RNF121: variants seen among roughly 807,000 people sequenced by gnomAD.
RNF121 encodes ring finger protein 121.
In RNF121, 21 loss-of-function variants were observed where a neutral mutation model predicts 46.5. The observed-to-expected ratio is 0.45, with a 90% CI of 0.32 to 0.65. The LOEUF (loss-of-function observed/expected upper bound fraction) is 0.65. Ranked by LOEUF, RNF121 falls within the 30% of genes least tolerant of loss-of-function variation. The pLI, the probability that RNF121 is intolerant of heterozygous loss-of-function variation, is 0.04. For missense variants in RNF121, 346 were observed against 416.0 expected (o/e 0.83, Z 1.46); for synonymous variants, 139 against 144.7 (o/e 0.96, Z 0.28).
intron 6 of RNF121, 88 bp downstream of exon 6, chr11:71,990,805 A>C (rs1954851015): frequency 1.3e-6 from 2 of 1,502,078 alleles, no homozygotes; most frequent in Non-Finnish European, 9.1e-7. Flanking sequence ...AGAGAAAGGC[A>C]CTAGGGTGAG....
rs1436095270 is a variant in RNF121, at chr11:71,995,567, G to T, written c.863+16G>T. 6.4e-7 allele frequency: 1 copy of T among 1,560,526 alleles called. No homozygotes were observed. The highest frequency in any genetic ancestry group is 8.7e-7 in the Non-Finnish European group (1 of 1,148,496). Reference sequence around the variant, plus strand: ...TCAGCAATCCGTATCCTTTATTGGGGTCGTTGTTGGGAGTGGGCTGTGGGA... The same window carrying T: ...TCAGCAATCCGTATCCTTTATTGGGTTCGTTGTTGGGAGTGGGCTGTGGGA... On this transcript the variant is annotated intron_variant, in intron 8 of 8. Transcript: ENST00000361756.
chr11:71,960,835 G>C lies in RNF121; in HGVS notation c.187G>C (p.Val63Leu). Reference protein sequence around the residue: ...EMVLILIATLVVAQLLLVQWK... With the variant: ...EMVLILIATLLVAQLLLVQWK... The stretch of plus-strand genomic sequence containing the variant: ...GGTCCTCATCCTCATCGCAACCTTG[G>C]TGGTGGCCCAGCTGCTCCTGGTGCA... Residue 63 changes from valine to leucine, a missense_variant, in exon 3 of 9, where the codon GTG (valine) becomes CTG (leucine). Val to Leu is a conservative substitution (Grantham distance 32, BLOSUM62 1). This residue lies in a region of RNF121 where 286 missense variants were observed against 383.8 expected (regional missense o/e 0.75). Transcript: ENST00000361756. 2 of 1,614,148 alleles carry C rather than the reference G, an allele frequency of 1.2e-6. No homozygotes were observed. Among genetic ancestry groups the C allele is most frequent in the Non-Finnish European group, 8.5e-7 (1 of 1,180,026 alleles).
intron 1 of RNF121, among the ~76,000 whole-genome samples, chr11:71,948,903 A>C (rs966370471): frequency 6.6e-6 from 1 of 150,514 alleles, no homozygotes; most frequent in Non-Finnish European, 1.5e-5. Context: ...TCTGAACCCC[A>C]CCAGATAGAG....
rs1955015034 is a variant in RNF121 at position 71,997,568 on chromosome 11, A to C, written c.*1253A>C. 6.6e-6 allele frequency: 1 copy of C among 152,136 alleles called. No individual in the cohort carries two copies. Among genetic ancestry groups the C allele is most frequent in the Admixed American group, 6.5e-5 (1 of 15,286 alleles). The allele number at this position is 152,136 out of a possible 1,614,324, so 9.4% of individuals were successfully genotyped here. ...GGATGTTGTCACTCCCGTCTGAATA[A>C]AGCTCCATGAGCTGGGTTGGAAAGC... On this transcript the variant is annotated 3_prime_UTR_variant, in exon 9 of 9. Transcript: ENST00000361756.
At chr11:71,984,740 G>A (rs1423461234) in intron 4 of RNF121, among the ~76,000 whole-genome samples, 3 of 133,140 alleles carry the variant, frequency 2.3e-5, no homozygotes, top group African/African-American at 5.9e-5. Flanking sequence ...CGCCACACCC[G>A]GCTAATTTTT....
Position 71,996,489 on chromosome 11 carries a change from G to T in RNF121, c.*174G>T. ...GGATATGATGGAGAGCCAGCCAGTG[G>T]GGCTGTCAGCAGTGGGGGGCTTTTT... is the stretch of plus-strand genomic sequence containing the variant. On this transcript the variant is annotated 3_prime_UTR_variant, in exon 9 of 9. Transcript: ENST00000361756. 1 of 658,664 alleles carries T rather than the reference G, an allele frequency of 1.5e-6. No homozygotes were observed. Among genetic ancestry groups the T allele is most frequent in the South Asian group, 2.2e-5 (1 of 44,792 alleles). The allele number at this position is 658,664 out of a possible 1,614,324, so 40.8% of individuals were successfully genotyped here.
At chr11:71,969,316 T>C (rs1954369360) in intron 3 of RNF121, among the ~76,000 whole-genome samples, 1 of 152,108 alleles carries the variant, frequency 6.6e-6, no homozygotes, top group Admixed American at 6.6e-5. Context: ...TATAAAATAA[T>C]GCATATGACA....
intron 1 of RNF121, among the ~76,000 whole-genome samples, chr11:71,947,549 C>T (rs930314708): frequency 3.3e-5 from 5 of 151,030 alleles, no homozygotes; most frequent in Admixed American, 1.3e-4. Flanking sequence ...AGAGAAAAGA[C>T]GGCAGCAGCC....
At chr11:71,968,717 C>T (rs1313714706) in intron 3 of RNF121, among the ~76,000 whole-genome samples, 4 of 152,108 alleles carry the variant, frequency 2.6e-5, no homozygotes, top group African/African-American at 2.4e-5. Flanking sequence ...TCTAGTCCCA[C>T]GCTGGGGCTG....
At chr11:71,966,356 G>T (rs1954276966) in intron 3 of RNF121, among the ~76,000 whole-genome samples, 1 of 152,152 alleles carries the variant, frequency 6.6e-6, no homozygotes, top group East Asian at 1.9e-4. Context: ...ACATACCATA[G>T]TTTTAAAAGT....
intron 8 of RNF121, among the ~76,000 whole-genome samples, chr11:71,995,969 T>C (rs1025126177): frequency 6.6e-6 from 1 of 152,128 alleles, no homozygotes; most frequent in Non-Finnish European, 1.5e-5. Context: ...TGCATTCAGC[T>C]CTTTACCCCA....
chr11:71,936,917 G>C (rs1422742740), intron 1 of RNF121, among the ~76,000 whole-genome samples: 8 of 152,154 alleles, frequency 5.3e-5, no homozygotes, highest in African/African-American at 1.7e-4. Flanking sequence ...TATATTTATT[G>C]AGTAAATGAG....
chr11:71,958,498 T>G (rs759600501), intron 2 of RNF121, among the ~76,000 whole-genome samples: 6 of 152,084 alleles, frequency 3.9e-5, no homozygotes, highest in African/African-American at 1.4e-4. Flanking sequence ...TCTTTAATAG[T>G]CAAGGTATAT....
intron 1 of RNF121, among the ~76,000 whole-genome samples, chr11:71,956,761 C>T (rs1014954419): frequency 2.6e-5 from 4 of 152,088 alleles, no homozygotes; most frequent in Admixed American, 2.0e-4. Context: ...CATTTTAGTC[C>T]CTTTGCCTGG....
chr11:71,935,795 TAA>T lies in RNF121; in HGVS notation c.63+6673_63+6674del, dbSNP rs1444740830. 2.6e-5 allele frequency among the ~76,000 whole-genome samples: 4 copies of T among 151,888 alleles called. No individual in the cohort carries two copies. In the East Asian group the frequency reaches 5.8e-4, roughly 22 times the overall value. The stretch of plus-strand genomic sequence containing the variant: ...CTTATAACTCTCATCAGGTACTGAG[TAA>T]ATACTAGTGAATGACTGAATGAATG... On this transcript the variant is annotated intron_variant, in intron 1 of 8. Coordinates refer to ENST00000361756, the MANE Select transcript of RNF121 (RefSeq NM_018320.5).
Position 71,976,590 on chromosome 11 carries a change from C to T in RNF121, c.244-6171C>T, listed in dbSNP as rs537527389. Among the ~76,000 whole-genome samples, 19 of 152,088 alleles carry T rather than the reference C, an allele frequency of 1.2e-4. No homozygotes were observed. The South Asian group carries it at 4.0e-3, about 32-fold the overall frequency. On this transcript the variant is annotated intron_variant, in intron 3 of 8. Transcript: ENST00000361756. Reference sequence around the variant, plus strand: ...GGCCAGTATGGTCTCGATCTCTTGACCTCGTGATCTGCCTGCCTCGGCCTC... The same window carrying T: ...GGCCAGTATGGTCTCGATCTCTTGATCTCGTGATCTGCCTGCCTCGGCCTC...
chr11:71,975,543 A>G (rs112924905), intron 3 of RNF121, among the ~76,000 whole-genome samples: 4 of 152,106 alleles, frequency 2.6e-5, no homozygotes, highest in African/African-American at 9.6e-5. Flanking sequence ...TCTCCTCTGT[A>G]TTTTCTTGGT....
In RNF121 at chr11:71,929,416, A is replaced by G. The variant is rs534739390; in HGVS notation, c.63+292A>G. Among the ~76,000 whole-genome samples the G allele has an allele frequency of 9.9e-5, 15 of 152,104 alleles. No individual in the cohort carries two copies. In the East Asian group the frequency reaches 2.9e-3, roughly 30 times the overall value. On this transcript the variant is annotated intron_variant, in intron 1 of 8. Coordinates refer to ENST00000361756, the MANE Select transcript of RNF121 (RefSeq NM_018320.5). ...TTTGTGATTACTAGCTGGGTGTCTT[A>G]GGGTAGGACCGAAGGGCTAAGAGGT...
In RNF121 at chr11:71,972,797, T is replaced by C. The variant is rs1196843750; in HGVS notation, c.244-9964T>C. Among the ~76,000 whole-genome samples, 4 of 152,114 alleles carry C rather than the reference T, an allele frequency of 2.6e-5. No homozygotes were observed. The East Asian group carries it at 7.7e-4, about 29-fold the overall frequency. On this transcript the variant is annotated intron_variant, in intron 3 of 8. Transcript: ENST00000361756. ...AGAGCAACATGGATATTGCAAGCTATGAGACTGATGATGAGCAGTATGCCA... is the reference window on the plus strand; with the variant it reads ...AGAGCAACATGGATATTGCAAGCTACGAGACTGATGATGAGCAGTATGCCA...
Sources: allele counts gnomAD v4.1 joint callset (sites outside exome capture counted in the v4.1 genomes callset), GRCh38; gene constraint gnomAD v4.1.1; regional missense constraint gnomAD v4.1.1; transcripts MANE v1.5; gene names NCBI Gene and HGNC (gene_info 2026-07-23, HGNC 2026-07-21).